SCAP: variants seen among roughly 807,000 people sequenced by gnomAD.
SCAP encodes the protein sterol regulatory element-binding protein cleavage-activating protein.
SCAP carries 65 observed loss-of-function variants against 123.6 expected under a neutral mutation model. The observed-to-expected ratio is 0.53, with a 90% CI of 0.43 to 0.65. SCAP has a LOEUF of 0.65. Among genes scored for constraint, SCAP ranks in the 30% least tolerant of loss-of-function variants. The pLI, the probability that SCAP is intolerant of heterozygous loss-of-function variation, is 0.00. For synonymous variants in SCAP, 740 were observed against 726.3 expected (o/e 1.02, Z -0.30); for missense variants, 1,398 against 1,712.5 (o/e 0.82, Z 3.24).
chr3:47,436,183 C>T (rs1280242056), intron 2 of SCAP, among the ~76,000 whole-genome samples: 1 of 152,098 alleles, frequency 6.6e-6, no homozygotes, highest in African/African-American at 2.4e-5. Flanking sequence ...CAGAAGGATT[C>T]CAATTCAGAT....
chr3:47,415,315 C>T, intron 18 of SCAP, 135 bp from the exon 19 acceptor site: 1 of 715,424 alleles, frequency 1.4e-6, no homozygotes, highest in Non-Finnish European at 2.2e-6. Context: ...GCACATGGTG[C>T]CAGAACAGAT....
At position 47,415,157 on chromosome 3, in the gene SCAP, C is replaced by A; in HGVS notation, c.3080G>T (p.Gly1027Val). 1.2e-6 allele frequency: 2 copies of A among 1,612,216 alleles called. No individual in the cohort carries two copies. The highest frequency in any genetic ancestry group is 1.7e-6 in the Non-Finnish European group (2 of 1,179,552). ...CTCCAAGGAGAAGAAATCAAGGGAA[C>A]CGTTGAGCCGTGCAGCCACAATCCT... ...DKRIVAARLN[G>V]SLDFFSLETH... Residue 1027 changes from glycine to valine, a missense_variant, in exon 19 of 23, where the codon GGT becomes GTT. Transcript: ENST00000265565.
chr3:47,428,919 CTG>C (rs1160890524), intron 3 of SCAP: 1 of 427,976 alleles, frequency 2.3e-6, no homozygotes, highest in Non-Finnish European at 4.2e-6. Context: ...AGATGGCCGA[CTG>C]GAGTTGTGCA....
chr3:47,428,730 T>C lies in SCAP; in HGVS notation c.253-60A>G, dbSNP rs1270018300. On this transcript the variant is annotated intron_variant, in intron 3 of 22. Coordinates refer to ENST00000265565, the MANE Select transcript of SCAP (RefSeq NM_012235.4). Reference sequence around the variant, plus strand: ...CTGAGCACAGGAAGAAGAAAGACGGTCCAATTCAAGGGATTTAATGGGCAT... The same window carrying C: ...CTGAGCACAGGAAGAAGAAAGACGGCCCAATTCAAGGGATTTAATGGGCAT... 3.8e-6 allele frequency: 6 copies of C among 1,579,808 alleles called. No individual in the cohort carries two copies. In the East Asian group the frequency reaches 1.3e-4, roughly 35 times the overall value.
rs550524271 is a variant in SCAP, at chr3:47,428,728, G to A, written c.253-58C>T. 1.1e-4 allele frequency: 176 copies of A among 1,580,146 alleles called. 1 individual carries two copies. The African/African-American group carries it at 1.2e-3, about 10-fold the overall frequency. On this transcript the variant is annotated intron_variant, in intron 3 of 22. Coordinates refer to ENST00000265565, the MANE Select transcript of SCAP (RefSeq NM_012235.4). ...AGCTGAGCACAGGAAGAAGAAAGAC[G>A]GTCCAATTCAAGGGATTTAATGGGC...
upstream of SCAP, chr3:47,476,091 C>A (rs1708263706): frequency 6.6e-6 from 1 of 151,752 alleles, no homozygotes; most frequent in Non-Finnish European, 1.5e-5. Context: ...GACGGCCGGG[C>A]CGGGCCGGGC....
intron 1 of SCAP, among the ~76,000 whole-genome samples, chr3:47,467,989 G>A (rs1178805825): frequency 4.6e-5 from 7 of 151,558 alleles, no homozygotes; most frequent in East Asian, 1.9e-4. Flanking sequence ...CTGTCCTTGC[G>A]ATAGTTTGCT....
intron 10 of SCAP, among the ~76,000 whole-genome samples, chr3:47,421,815 C>T (rs961236597): frequency 3.3e-5 from 5 of 152,400 alleles, no homozygotes; most frequent in African/African-American, 9.6e-5. Context: ...TGGCATCCTC[C>T]CCTTCCTGCA....
At chr3:47,474,727 A>C (rs965602827) in intron 1 of SCAP, among the ~76,000 whole-genome samples, 5 of 151,830 alleles carry the variant, frequency 3.3e-5, no homozygotes, top group African/African-American at 1.2e-4. Flanking sequence ...AGCCCAGGAA[A>C]TCAAGGCTGC....
chr3:47,468,427 G>T (rs530040683), intron 1 of SCAP, among the ~76,000 whole-genome samples: 26 of 152,192 alleles, frequency 1.7e-4, no homozygotes, highest in Non-Finnish European at 3.7e-4. Flanking sequence ...TGGTGTGAGG[G>T]TATCTCATTG....
At position 47,419,607 on chromosome 3, in the gene SCAP, C is replaced by A; in HGVS notation, c.1661G>T (p.Gly554Val). Residue 554 changes from glycine to valine, a missense_variant, in exon 13 of 23, where the codon GGT (glycine) becomes GTT (valine). Around this residue, in one of 7 missense-constraint regions of SCAP, gnomAD observed 828 missense variants for 882.5 expected, o/e 0.94. Coordinates refer to ENST00000265565, the MANE Select transcript of SCAP (RefSeq NM_012235.4). This position sits in a 1 kb window ranked among gnomAD's most constrained non-coding sequence, Gnocchi z 5.0. ...GGGCATGGGAGCCAGGGCTCCCTCA[C>A]CCAATGGGCTCTGTTCCGTCACCTG... ...AAQVTEQSPLGEGALAPMPVP... is the reference protein window; with the variant it reads ...AAQVTEQSPLVEGALAPMPVP... 1 of 1,603,054 alleles carries A rather than the reference C, an allele frequency of 6.2e-7. No homozygotes were observed. The highest frequency in any genetic ancestry group is 1.1e-5 in the South Asian group (1 of 89,518).
intron 18 of SCAP, among the ~76,000 whole-genome samples, chr3:47,416,540 C>T (rs1283933596): frequency 6.6e-6 from 1 of 151,780 alleles, no homozygotes; most frequent in African/African-American, 2.4e-5. Flanking sequence ...TATATCACTC[C>T]CCACTGTCAC....
upstream of SCAP, among the ~76,000 whole-genome samples, chr3:47,476,540 G>C (rs895820535): frequency 6.6e-6 from 1 of 152,208 alleles, no homozygotes; most frequent in Non-Finnish European, 1.5e-5. Flanking sequence ...CATAAAACTA[G>C]TTTCCCTATA....
At chr3:47,456,824 C>T (rs1433338624) in intron 1 of SCAP, among the ~76,000 whole-genome samples, 2 of 151,982 alleles carry the variant, frequency 1.3e-5, no homozygotes, top group Admixed American at 1.3e-4. Flanking sequence ...AATACAACTG[C>T]AATTCATATC....
chr3:47,437,860 G>A (rs116779483), intron 2 of SCAP, among the ~76,000 whole-genome samples: 212 of 152,220 alleles, frequency 1.4e-3, no homozygotes, highest in African/African-American at 4.9e-3. Flanking sequence ...TATTTCTGTC[G>A]GGTATATTCC....
intron 1 of SCAP, among the ~76,000 whole-genome samples, chr3:47,448,497 A>G (rs554191132): frequency 1.3e-5 from 2 of 152,184 alleles, no homozygotes; most frequent in East Asian, 3.9e-4. Context: ...TGAGACTTCA[A>G]AAACATAAAA....
chr3:47,417,046 G>C lies in SCAP; in HGVS notation c.3056+76C>G, dbSNP rs1705611828. On this transcript the variant is annotated intron_variant, in intron 18 of 22. Transcript: ENST00000265565. ...ACAGTACAGCAGTTGAAGAGAACCA[G>C]AACTCAAGACTCAAGAGAGTATGGC... 8 of 1,322,228 alleles carry C rather than the reference G, an allele frequency of 6.1e-6. No individual in the cohort carries two copies. The South Asian group carries it at 8.8e-5, about 15-fold the overall frequency. The allele number at this position is 1,322,228 out of a possible 1,614,324, so 81.9% of individuals were successfully genotyped here.
intron 1 of SCAP, among the ~76,000 whole-genome samples, chr3:47,447,312 T>C (rs1478784839): frequency 6.6e-6 from 1 of 151,892 alleles, no homozygotes; most frequent in East Asian, 1.9e-4. Flanking sequence ...GAGAATCACC[T>C]GAACCCAGAA....
intron 6 of SCAP, 55 bp from the exon 7 acceptor site, chr3:47,426,224 C>T (rs1706123229): frequency 1.9e-6 from 3 of 1,552,176 alleles, no homozygotes; most frequent in Non-Finnish European, 2.6e-6. Context: ...GTTCTGGGGA[C>T]AAAGACAATC....
Sources: gnomAD v4.1 joint callset for allele counts (sites outside exome capture counted in the v4.1 genomes callset) on GRCh38, gnomAD v4.1.1 for gene constraint, gnomAD v4.1.1 regional missense constraint, Gnocchi (gnomAD v3.1) non-coding constraint, MANE v1.5 for transcripts, NCBI Gene and HGNC (gene_info 2026-07-23, HGNC 2026-07-21) for gene names.